PLA1A: variants seen among roughly 807,000 people sequenced by gnomAD.
PLA1A encodes the protein phospholipase A1 member A.
Under a neutral mutation model 49.4 loss-of-function variants are expected in PLA1A, and 47 were observed. That is an observed-to-expected ratio of 0.95 (90% CI 0.75 to 1.21). PLA1A has a LOEUF of 1.21. Ranked by LOEUF, PLA1A falls within the 50% of genes most tolerant of loss-of-function variation. The probability of loss-of-function intolerance (pLI) is 0.00; values close to 1 mark genes in which losing one functional copy is unlikely to be tolerated. For synonymous variants in PLA1A, 224 were observed against 207.9 expected, an observed-to-expected ratio of 1.08 and a Z score of -0.67; for missense variants, 561 against 563.9, an observed-to-expected ratio of 0.99 and a Z score of 0.05.
intron 5 of PLA1A, among the ~76,000 whole-genome samples, chr3:119,614,325 C>T (rs1026162166): frequency 2.6e-5 from 4 of 152,146 alleles, no homozygotes; most frequent in Non-Finnish European, 2.9e-5. Context: ...GAATCCTGGT[C>T]GGGCGTGGTG....
intron 5 of PLA1A, 119 bp downstream of exon 5, chr3:119,613,237 C>T: frequency 1.6e-6 from 1 of 638,440 alleles, no homozygotes; most frequent in South Asian, 1.9e-5. Context: ...GCTTCTGTTG[C>T]ACAGTGAAGA....
Position 119,612,891 on chromosome 3 carries a change from TC to T in PLA1A, c.563-123del, listed in dbSNP as rs752364388. On this transcript the variant is annotated intron_variant, in intron 4 of 10. Coordinates refer to ENST00000273371, the MANE Select transcript of PLA1A (RefSeq NM_015900.4). Reference sequence around the variant, plus strand: ...GAGGAAGGTGGTCCTCAGCTAATTCTCCCAACCCTTGGGTCTTTTCTGGGAG... The same window carrying T: ...GAGGAAGGTGGTCCTCAGCTAATTCTCCAACCCTTGGGTCTTTTCTGGGAG... The T allele has an allele frequency of 5.2e-5, 31 of 594,308 alleles. No individual in the cohort carries two copies. In the South Asian group the frequency reaches 6.1e-4, roughly 12 times the overall value. The allele number at this position is 594,308 out of a possible 1,614,324, so 36.8% of individuals were successfully genotyped here. A position where few individuals can be genotyped will look rare whatever the true frequency, so the allele number is the denominator to read the frequency against.
At chr3:119,617,161 A>T (rs1464880849) in intron 6 of PLA1A, among the ~76,000 whole-genome samples, 1 of 152,226 alleles carries the variant, frequency 6.6e-6, no homozygotes, top group Non-Finnish European at 1.5e-5. Flanking sequence ...TTAAATAGTA[A>T]ATAACAGTGA....
At chr3:119,629,186 A>G (rs189127316) in intron 10 of PLA1A, among the ~76,000 whole-genome samples, 198 bp from the exon 11 acceptor site, 1 of 152,152 alleles carries the variant, frequency 6.6e-6, no homozygotes, top group Non-Finnish European at 1.5e-5. Flanking sequence ...TCCAGAATCC[A>G]CATCCCCTTT....
chr3:119,600,648 C>G (rs2082606467), intron 1 of PLA1A, among the ~76,000 whole-genome samples: 1 of 152,208 alleles, frequency 6.6e-6, no homozygotes, highest in African/African-American at 2.4e-5. Flanking sequence ...ATTGAGCGGG[C>G]TGCAGTCCTC....
intron 8 of PLA1A, among the ~76,000 whole-genome samples, chr3:119,623,290 C>T (rs1458427114): frequency 6.6e-6 from 1 of 152,086 alleles, no homozygotes; most frequent in East Asian, 1.9e-4. Flanking sequence ...TACAGGTACA[C>T]ACCACATGCC....
Position 119,613,043 on chromosome 3 carries a change from A to T in PLA1A, c.589A>T (p.Thr197Ser). The stretch of plus-strand genomic sequence containing the variant: ...CCTGGACCCCGCTGGACCTGAGTAC[A>T]CCAGGGCCAGTGTGGAAGAGCGCTT... ...TGLDPAGPEY[T>S]RASVEERLDA... Residue 197 changes from threonine to serine, a missense_variant, in exon 5 of 11, where the codon ACC (threonine) becomes TCC (serine). Coordinates refer to ENST00000273371, the MANE Select transcript of PLA1A (RefSeq NM_015900.4). 1 of 1,604,990 alleles carries T rather than the reference A, an allele frequency of 6.2e-7. No individual in the cohort carries two copies. Among genetic ancestry groups the T allele is most frequent in the Non-Finnish European group, 8.5e-7 (1 of 1,175,226 alleles).
chr3:119,623,782 C>T (rs986944375), intron 8 of PLA1A, among the ~76,000 whole-genome samples: 27 of 141,334 alleles, frequency 1.9e-4, no homozygotes, highest in African/African-American at 5.5e-4. Flanking sequence ...TGTAATGCAA[C>T]GGCACCATCT....
intron 5 of PLA1A, among the ~76,000 whole-genome samples, chr3:119,614,867 G>A (rs935922709): frequency 2.0e-5 from 3 of 152,222 alleles, no homozygotes; most frequent in African/African-American, 7.2e-5. Flanking sequence ...AGGCTACGTG[G>A]ACTGTAGGAG....
At chr3:119,624,017 G>A (rs879620419) in intron 8 of PLA1A, among the ~76,000 whole-genome samples, 5 of 152,164 alleles carry the variant, frequency 3.3e-5, no homozygotes, top group African/African-American at 7.2e-5. Flanking sequence ...GAGCCACCAC[G>A]CCTGACCTTA....
chr3:119,622,093 G>GAAGAAA (rs2082942006), intron 8 of PLA1A, among the ~76,000 whole-genome samples: 1 of 144,314 alleles, frequency 6.9e-6, no homozygotes, highest in African/African-American at 2.7e-5. Flanking sequence ...GAAGAAAGAA[G>GAAGAAA]AAGAAGAAGA....
chr3:119,603,385 A>G (rs1021945217), intron 1 of PLA1A, among the ~76,000 whole-genome samples: 1 of 152,254 alleles, frequency 6.6e-6, no homozygotes, highest in African/African-American at 2.4e-5. Context: ...GAGATAGGAA[A>G]GAGTCAAAGA....
chr3:119,599,917 G>T (rs968280775), intron 1 of PLA1A, among the ~76,000 whole-genome samples: 3 of 152,046 alleles, frequency 2.0e-5, no homozygotes, highest in Non-Finnish European at 2.9e-5. Flanking sequence ...ACTTTTAGTA[G>T]TGCTGTCTCA....
intron 8 of PLA1A, among the ~76,000 whole-genome samples, chr3:119,621,133 C>A (rs1024341546): frequency 6.6e-6 from 1 of 152,176 alleles, no homozygotes; most frequent in African/African-American, 2.4e-5. Context: ...AGCTGCTGGG[C>A]AGATTCACAG....
intron 8 of PLA1A, among the ~76,000 whole-genome samples, chr3:119,621,965 T>A (rs2082939885): frequency 6.6e-6 from 1 of 152,104 alleles, no homozygotes; most frequent in Non-Finnish European, 1.5e-5. Flanking sequence ...ACGTCTCTAA[T>A]CCCAGCACTT....
rs111794336 is a variant in PLA1A, at chr3:119,619,640, G to A, written c.1000G>A (p.Ala334Thr). ...VKVYLLTTSSAPYCMHHSLVE... is the reference protein window; with the variant it reads ...VKVYLLTTSSTPYCMHHSLVE... The stretch of plus-strand genomic sequence containing the variant: ...AGTCTACCTCCTGACTACTTCCAGT[G>A]CTCCGTACTGCAGTGAGTAGGGGGA... The change falls in exon 8 of 11, where the codon GCT becomes ACT. Residue 334 changes from alanine to threonine, a missense_variant. Transcript: ENST00000273371. 3 of 1,608,770 alleles carry A rather than the reference G, an allele frequency of 1.9e-6. No individual in the cohort carries two copies. The highest frequency in any genetic ancestry group is 2.6e-6 in the Non-Finnish European group (3 of 1,175,162).
At chr3:119,625,902 G>A (rs901711867) in intron 9 of PLA1A, among the ~76,000 whole-genome samples, 24 of 152,260 alleles carry the variant, frequency 1.6e-4, no homozygotes, top group African/African-American at 5.5e-4. Flanking sequence ...AGCAGCCATG[G>A]TGCATGCTTC....
chr3:119,628,989 T>C (rs1368450367), intron 10 of PLA1A, 124 bp downstream of exon 10: 2 of 827,878 alleles, frequency 2.4e-6, no homozygotes, highest in Non-Finnish European at 3.9e-6. Context: ...GAAGCAGAGA[T>C]GACAGACACC....
intron 9 of PLA1A, among the ~76,000 whole-genome samples, chr3:119,628,017 A>C (rs1187407232): frequency 2.0e-5 from 3 of 152,172 alleles, no homozygotes; most frequent in Non-Finnish European, 4.4e-5. Flanking sequence ...TGGGGGGGCA[A>C]AGCCAAGAGG....
Sources: allele counts gnomAD v4.1 joint callset (sites outside exome capture counted in the v4.1 genomes callset), GRCh38; gene constraint gnomAD v4.1.1; transcripts MANE v1.5; gene names NCBI Gene and HGNC (gene_info 2026-07-23, HGNC 2026-07-21).